PUS7L: variants seen among roughly 807,000 people sequenced by gnomAD.
PUS7L encodes pseudouridylate synthase PUS7L.
PUS7L carries 49 observed loss-of-function variants against 51.1 expected under a neutral mutation model. The ratio of observed to expected loss-of-function variants is 0.96; its 90% CI spans 0.76 to 1.22. PUS7L has a LOEUF of 1.22. Ranked by LOEUF, PUS7L falls within the 50% of genes most tolerant of loss-of-function variation. The pLI is 0.00. For missense variants in PUS7L, 828 were observed against 820.6 expected, an observed-to-expected ratio of 1.01 and a Z score of -0.11; for synonymous variants, 277 against 276.2, an observed-to-expected ratio of 1.00 and a Z score of -0.03.
Position 43,754,792 on chromosome 12 carries a change from T to C in PUS7L, c.454A>G (p.Thr152Ala). The C allele has an allele frequency of 6.2e-7, 1 of 1,613,954 alleles. No individual in the cohort carries two copies. Among genetic ancestry groups the C allele is most frequent in the Non-Finnish European group, 8.5e-7 (1 of 1,179,904 alleles). ...CDVREKWLSK[T>A]ELIGLPPEFS... ...TCAGGAGGTAGTCCAATTAGCTCTG[T>C]TTTAGAAAGCCACTTCTCTCTTACA... is the stretch of plus-strand genomic sequence containing the variant. The change falls in exon 2 of 9, where the codon ACA (threonine) becomes GCA (alanine). Residue 152 changes from threonine to alanine, a missense_variant. Transcript: ENST00000344862.
intron 4 of PUS7L, among the ~76,000 whole-genome samples, chr12:43,744,242 G>T (rs1938055578): frequency 6.6e-6 from 1 of 152,158 alleles, no homozygotes; most frequent in African/African-American, 2.4e-5. Context: ...ATATGGTTTG[G>T]CTGTGTCCTC....
chr12:43,744,993 A>C (rs1420476895), intron 4 of PUS7L, among the ~76,000 whole-genome samples: 2 of 152,212 alleles, frequency 1.3e-5, no homozygotes, highest in Admixed American at 6.5e-5. Context: ...CCACAAATGA[A>C]ACCTGGTCCA....
At chr12:43,736,767 G>T (rs982919196) in intron 6 of PUS7L, 106 bp from the exon 7 acceptor site, 3 of 976,152 alleles carry the variant, frequency 3.1e-6, no homozygotes, top group Non-Finnish European at 4.6e-6. Flanking sequence ...TGGGTATTAA[G>T]ATGATATTCA....
At chr12:43,746,466 T>C (rs1218705886) in intron 3 of PUS7L, among the ~76,000 whole-genome samples, 1 of 152,230 alleles carries the variant, frequency 6.6e-6, no homozygotes, top group Non-Finnish European at 1.5e-5. Flanking sequence ...ATATTACTAA[T>C]GTTATCACTC....
intron 3 of PUS7L, among the ~76,000 whole-genome samples, chr12:43,747,738 C>T (rs906606823): frequency 2.6e-5 from 4 of 152,124 alleles, no homozygotes; most frequent in Non-Finnish European, 5.9e-5. Context: ...GTGATGTAGT[C>T]TCTGAAAAAG....
chr12:43,746,235 C>T lies in PUS7L; in HGVS notation c.1074G>A (p.Leu358=). The T allele has an allele frequency of 1.6e-6, 2 of 1,252,638 alleles. No homozygotes were observed. The highest frequency in any genetic ancestry group is 2.2e-6 in the Non-Finnish European group (2 of 892,866). The allele number at this position is 1,252,638 out of a possible 1,614,324, so 77.6% of individuals were successfully genotyped here. Residue 358 remains leucine, a synonymous_variant, in exon 4 of 9, where the codon TTG becomes TTA. Coordinates refer to ENST00000344862, the MANE Select transcript of PUS7L (RefSeq NM_031292.5). ...TTTCAATTTCTTTTTCAATATTTTTCAACCTGTAAGTAATAAATCATATAA... is the reference window on the plus strand; with the variant it reads ...TTTCAATTTCTTTTTCAATATTTTTTAACCTGTAAGTAATAAATCATATAA... ...MVVRKVTPER[L]KNIEKEIEKK... is the part of the protein sequence containing the mutation.
chr12:43,725,552 C>A lies in PUS7L; in HGVS notation c.*4824G>T, dbSNP rs1005105686. ...AGCCTCAGCCTCCCAAGTAGCCCAG[C>A]TAATTTTTTTATTTTTAGTAGAGAC... On this transcript the variant is annotated 3_prime_UTR_variant, in exon 9 of 9. Transcript: ENST00000344862. 1 of 151,748 alleles carries A rather than the reference C, an allele frequency of 6.6e-6. No homozygotes were observed. Among genetic ancestry groups the A allele is most frequent in the African/African-American group, 2.4e-5 (1 of 41,298 alleles). The allele number at this position is 151,748 out of a possible 1,614,324, so 9.4% of individuals were successfully genotyped here.
rs951560494 is a variant in PUS7L at position 43,736,380 on chromosome 12, C to G, written c.1725+1G>C. 8 of 1,612,764 alleles carry G rather than the reference C, an allele frequency of 5.0e-6. No homozygotes were observed. The Admixed American group carries it at 8.3e-5, about 17-fold the overall frequency. ...GAAAACTCTGATGGAATGATACTTA[C>G]TTTACTATTTGGGAAATTCTCGTCA... On this transcript the variant is annotated splice_donor_variant, in intron 7 of 8. Coordinates refer to ENST00000344862, the MANE Select transcript of PUS7L (RefSeq NM_031292.5). LOFTEE classifies it high-confidence loss of function.
Position 43,758,476 on chromosome 12 carries a change from T to C in PUS7L, c.-17+254A>G, listed in dbSNP as rs532512469. The C allele has an allele frequency of 1.9e-4, 186 of 985,564 alleles. 1 individual carries two copies. The highest frequency in any genetic ancestry group is 1.0e-3 in the Middle Eastern group (2 of 1,916). The allele number at this position is 985,564 out of a possible 1,614,324, so 61.1% of individuals were successfully genotyped here. A position where few individuals can be genotyped will look rare whatever the true frequency, so the allele number is the denominator to read the frequency against. ...CCCAGTCCTGCAGAAGCTACTTAAC[T>C]TCACAGAAAACTAGGGCGTCGTTGC... On this transcript the variant is annotated intron_variant, in intron 1 of 8. Coordinates refer to ENST00000344862, the MANE Select transcript of PUS7L (RefSeq NM_031292.5).
chr12:43,749,013 T>C (rs1938313073), intron 2 of PUS7L, among the ~76,000 whole-genome samples: 1 of 152,196 alleles, frequency 6.6e-6, no homozygotes, highest in Non-Finnish European at 1.5e-5. Flanking sequence ...TCAGCCACCA[T>C]GCCCAGCCGT....
At chr12:43,753,466 C>T (rs1198951346) in intron 2 of PUS7L, among the ~76,000 whole-genome samples, 1 of 152,196 alleles carries the variant, frequency 6.6e-6, no homozygotes, top group Non-Finnish European at 1.5e-5. Context: ...TTCATTTGCA[C>T]CTGTAGTCCC....
intron 5 of PUS7L, among the ~76,000 whole-genome samples, chr12:43,741,592 G>C (rs1592168109): frequency 6.6e-6 from 1 of 152,182 alleles, no homozygotes; most frequent in East Asian, 1.9e-4. Context: ...GAGTTTTCTA[G>C]ACTGAAGAAC....
chr12:43,747,923 G>C (rs1255886112), intron 3 of PUS7L, among the ~76,000 whole-genome samples: 1 of 151,892 alleles, frequency 6.6e-6, no homozygotes, highest in Non-Finnish European at 1.5e-5. Flanking sequence ...AAGTAGCTGG[G>C]ATTACAGGCG....
chr12:43,735,845 C>T (rs924195723), intron 7 of PUS7L, among the ~76,000 whole-genome samples: 1 of 152,204 alleles, frequency 6.6e-6, no homozygotes, highest in South Asian at 2.1e-4. Context: ...GGCACGATCT[C>T]GGCTCACTGT....
At position 43,754,977 on chromosome 12, in the gene PUS7L, G is replaced by A; in HGVS notation, c.269C>T (p.Thr90Ile). Residue 90 changes from threonine to isoleucine, a missense_variant, in exon 2 of 9, where the codon ACT becomes ATT. Coordinates refer to ENST00000344862, the MANE Select transcript of PUS7L (RefSeq NM_031292.5). ...LEDGRNQEVH[T>I]LIKYTDGDQN... Reference sequence around the variant, plus strand: ...GTCACCATCAGTGTACTTAATCAAAGTATGAACTTCTTGGTTTCTTCCATC... The same window carrying A: ...GTCACCATCAGTGTACTTAATCAAAATATGAACTTCTTGGTTTCTTCCATC... The A allele has an allele frequency of 6.2e-7, 1 of 1,613,592 alleles. No homozygotes were observed. The highest frequency in any genetic ancestry group is 1.1e-5 in the South Asian group (1 of 91,008).
In PUS7L at chr12:43,754,736, G is replaced by A. The variant is rs775012354; in HGVS notation, c.510C>T (p.Asn170=). Residue 170 remains asparagine (N), a synonymous_variant, in exon 2 of 9, where the codon AAC becomes AAT. Transcript: ENST00000344862. Reference sequence around the variant, plus strand: ...TGGCACTGTGTAAACTAGCCCTCTGGTTTTTGTCAAGGATTCTGCCTATTG... The same window carrying A: ...TGGCACTGTGTAAACTAGCCCTCTGATTTTTGTCAAGGATTCTGCCTATTG... ...EFSIGRILDK[N]QRASLHSAIR... is the part of the protein sequence containing the mutation. 1.9e-6 allele frequency: 3 copies of A among 1,613,976 alleles called. No homozygotes were observed. Among genetic ancestry groups the A allele is most frequent in the East Asian group, 4.5e-5 (2 of 44,860 alleles).
In PUS7L at chr12:43,736,673, G is replaced by T. The variant is rs752265854; in HGVS notation, c.1445-12C>A. On this transcript the variant is annotated splice_polypyrimidine_tract_variant and intron_variant, in intron 6 of 8. Coordinates refer to ENST00000344862, the MANE Select transcript of PUS7L (RefSeq NM_031292.5). The stretch of plus-strand genomic sequence containing the variant: ...GCCTTTAGCATCCTCTGAAACAAAG[G>T]GTAAATCAGGTATAGTTAGCCACTT... 1.9e-6 allele frequency: 3 copies of T among 1,608,724 alleles called. No individual in the cohort carries two copies. The highest frequency in any genetic ancestry group is 2.5e-6 in the Non-Finnish European group (3 of 1,176,544).
rs574907248 is a variant in PUS7L, at chr12:43,721,322, G to A, written c.*9054C>T. 3.3e-5 allele frequency: 5 copies of A among 152,268 alleles called. No homozygotes were observed. Among genetic ancestry groups the A allele is most frequent in the African/African-American group, 1.2e-4 (5 of 41,558 alleles). 9.4% of individuals were successfully genotyped at this position (152,268 alleles called of 1,614,324 possible). ...ATGAGACTAGTTATCATACCTGACA[G>A]CTTGTTCTAAATTTTAAATCAAATT... On this transcript the variant is annotated 3_prime_UTR_variant, in exon 9 of 9. Coordinates refer to ENST00000344862, the MANE Select transcript of PUS7L (RefSeq NM_031292.5).
intron 2 of PUS7L, among the ~76,000 whole-genome samples, chr12:43,753,688 A>C (rs1870765): frequency 0.018 from 2,809 of 152,290 alleles, 57 homozygotes; most frequent in South Asian, 0.071. Context: ...CACAGACCCT[A>C]AAACAGTGAT....
Sources: gnomAD v4.1 joint callset for allele counts (sites outside exome capture counted in the v4.1 genomes callset) on GRCh38, gnomAD v4.1.1 for gene constraint, MANE v1.5 for transcripts, NCBI Gene and HGNC (gene_info 2026-07-23, HGNC 2026-07-21) for gene names.